Variants in APLF observed in about 807,000 individuals in gnomAD.
APLF encodes the protein aprataxin and PNK-like factor.
In APLF, 61 loss-of-function variants were observed where a neutral mutation model predicts 55.6. The observed-to-expected ratio is 1.10, with a 90% CI of 0.89 to 1.36. The LOEUF is 1.36. APLF is among the 40% of genes most tolerant of loss of function. APLF has a pLI of 0.00. For synonymous variants in APLF, 207 were observed against 214.8 expected (o/e 0.96, Z 0.32); for missense variants, 611 against 602.5 (o/e 1.01, Z -0.15).
intron 8 of APLF, among the ~76,000 whole-genome samples, chr2:68,553,831 G>C (rs1431656119): frequency 6.6e-6 from 1 of 151,996 alleles, no homozygotes; most frequent in Non-Finnish European, 1.5e-5. Flanking sequence ...TCACAAAACA[G>C]TGTAAGAATT....
chr2:68,541,667 A>G (rs985757962), intron 7 of APLF, among the ~76,000 whole-genome samples: 2 of 152,210 alleles, frequency 1.3e-5, no homozygotes, highest in African/African-American at 4.8e-5. Context: ...CTGCTTAATT[A>G]TGCTGTCACA....
In APLF at chr2:68,513,666, C is replaced by T. The variant is rs1292818052; in HGVS notation, c.608C>T (p.Pro203Leu). The change falls in exon 5 of 10, where the codon CCA becomes CTA. Residue 203 changes from proline (P) to leucine (L), a missense_variant. Transcript: ENST00000303795. ...TTAAGTGATCAAAACCTTTCAGTAC[C>T]AGCAATCAGTGGAGGTAGGTTTTTG... ...EHLSDQNLSVPAISGGNVIQG... is the reference protein window; with the variant it reads ...EHLSDQNLSVLAISGGNVIQG... 6.2e-7 allele frequency: 1 copy of T among 1,610,782 alleles called. No homozygotes were observed. The highest frequency in any genetic ancestry group is 1.7e-5 in the Admixed American group (1 of 59,694).
At chr2:68,555,575 G>A (rs1033713055) in intron 8 of APLF, among the ~76,000 whole-genome samples, 1 of 152,044 alleles carries the variant, frequency 6.6e-6, no homozygotes, top group African/African-American at 2.4e-5. Context: ...AATATCACTA[G>A]TGATCAGGGA....
chr2:68,472,199 T>C (rs931395189), intron 1 of APLF, among the ~76,000 whole-genome samples: 17 of 152,166 alleles, frequency 1.1e-4, no homozygotes, highest in African/African-American at 3.9e-4. Context: ...ATGTTTCTTA[T>C]GAGACCTGAA....
chr2:68,552,370 A>G (rs1285992921), intron 8 of APLF, among the ~76,000 whole-genome samples: 1 of 152,052 alleles, frequency 6.6e-6, no homozygotes, highest in Non-Finnish European at 1.5e-5. Flanking sequence ...CTTTCTTTGA[A>G]TAGTTTCTCC....
intron 8 of APLF, chr2:68,563,358 A>C (rs773396170): frequency 2.0e-6 from 2 of 982,694 alleles, no homozygotes; most frequent in Non-Finnish European, 1.2e-6. Context: ...CTTCTTTCAT[A>C]GTTATTTGCT....
chr2:68,571,929 A>G (rs1462337688), intron 9 of APLF, among the ~76,000 whole-genome samples: 1 of 152,102 alleles, frequency 6.6e-6, no homozygotes, highest in African/African-American at 2.4e-5. Context: ...GGCCTCTATT[A>G]TTATGTGATA....
Position 68,529,362 on chromosome 2 carries a change from G to C in APLF, c.804+3120G>C, listed in dbSNP as rs1196249624. ...GGTGCAGGAGCCGCGGGGTGAGCCCGGCCAGCTGGGAAGGCCTCACGGACA... is the reference window on the plus strand; with the variant it reads ...GGTGCAGGAGCCGCGGGGTGAGCCCCGCCAGCTGGGAAGGCCTCACGGACA... On this transcript the variant is annotated intron_variant, in intron 6 of 9. Coordinates refer to ENST00000303795, the MANE Select transcript of APLF (RefSeq NM_173545.3). The surrounding 1 kb of genome is among the most constrained non-coding windows in gnomAD (Gnocchi z 4.4). The C allele has an allele frequency of 7.7e-7, 1 of 1,305,838 alleles. No individual in the cohort carries two copies. Among genetic ancestry groups the C allele is most frequent in the African/African-American group, 1.5e-5 (1 of 67,124 alleles). The allele number at this position is 1,305,838 out of a possible 1,614,324, so 80.9% of individuals were successfully genotyped here. A position where few individuals can be genotyped will look rare whatever the true frequency, so the allele number is the denominator to read the frequency against.
chr2:68,538,698 G>A (rs1272035167), intron 7 of APLF, among the ~76,000 whole-genome samples: 1 of 152,034 alleles, frequency 6.6e-6, no homozygotes, highest in East Asian at 1.9e-4. Flanking sequence ...GGATTGATGG[G>A]TTGCTCCTAT....
intron 1 of APLF, among the ~76,000 whole-genome samples, chr2:68,482,018 G>C (rs1393682330): frequency 6.7e-6 from 1 of 149,898 alleles, no homozygotes; most frequent in African/African-American, 2.4e-5. Context: ...GGTAAATTGG[G>C]TTATCTGCAT....
intron 6 of APLF, chr2:68,528,483 A>C (rs560856607): frequency 6.5e-7 from 1 of 1,533,800 alleles, no homozygotes; most frequent in Non-Finnish European, 8.7e-7. Flanking sequence ...GGTGGCCCCG[A>C]CAGTTTTCTT....
chr2:68,469,179 TG>T (rs1370066805), intron 1 of APLF, among the ~76,000 whole-genome samples: 4 of 152,208 alleles, frequency 2.6e-5, no homozygotes, highest in Non-Finnish European at 5.9e-5. Flanking sequence ...ATACAAACAC[TG>T]GAAGGAACTG....
intron 1 of APLF, among the ~76,000 whole-genome samples, chr2:68,486,426 T>A (rs1676176817): frequency 6.6e-6 from 1 of 152,190 alleles, no homozygotes; most frequent in Non-Finnish European, 1.5e-5. Context: ...GCCTCTGCAA[T>A]GTTGGATCTG....
At chr2:68,519,711 C>T (rs960381828) in intron 5 of APLF, among the ~76,000 whole-genome samples, 6 of 150,838 alleles carry the variant, frequency 4.0e-5, no homozygotes, top group South Asian at 2.1e-4. Flanking sequence ...TTTATCTACT[C>T]ATTGACTGAT....
intron 5 of APLF, among the ~76,000 whole-genome samples, chr2:68,521,751 A>G (rs1048677373): frequency 1.3e-5 from 2 of 151,958 alleles, no homozygotes; most frequent in Non-Finnish European, 2.9e-5. Context: ...GTGAAGTTGT[A>G]AAAAGTGGCA....
At chr2:68,480,901 A>G (rs1004901427) in intron 1 of APLF, among the ~76,000 whole-genome samples, 2 of 152,122 alleles carry the variant, frequency 1.3e-5, no homozygotes, top group South Asian at 4.1e-4. Context: ...TGTTGATGTG[A>G]TATATCACAT....
At chr2:68,536,343 A>G (rs1003615616) in intron 6 of APLF, among the ~76,000 whole-genome samples, 1 of 152,176 alleles carries the variant, frequency 6.6e-6, no homozygotes, top group African/African-American at 2.4e-5. Context: ...ATTTTAATGT[A>G]CTGTTTCTTA....
Position 68,502,916 on chromosome 2 carries a change from T to C in APLF, c.341+13T>C, listed in dbSNP as rs1190197221. ...AATGTACCTTAAGGTAAGTGCCTGA[T>C]GAAATGAGAGTAAGAATGTTATTTT... On this transcript the variant is annotated intron_variant, in intron 3 of 9. Transcript: ENST00000303795. 6.3e-7 allele frequency: 1 copy of C among 1,590,408 alleles called. No homozygotes were observed. Among genetic ancestry groups the C allele is most frequent in the Non-Finnish European group, 8.5e-7 (1 of 1,171,502 alleles).
At chr2:68,485,194 A>AT (rs1241169136) in intron 1 of APLF, among the ~76,000 whole-genome samples, 2 of 151,964 alleles carry the variant, frequency 1.3e-5, no homozygotes, top group Non-Finnish European at 1.5e-5. Context: ...CACTTTTTGC[A>AT]TTTTTTTAAA....
Sources: allele counts gnomAD v4.1 joint callset (sites outside exome capture counted in the v4.1 genomes callset), GRCh38; gene constraint gnomAD v4.1.1; non-coding constraint Gnocchi (gnomAD v3.1); transcripts MANE v1.5; gene names NCBI Gene and HGNC (gene_info 2026-07-23, HGNC 2026-07-21).